Variants in ITFG1 observed in about 807,000 individuals in gnomAD.
The protein encoded by ITFG1 is integrin alpha FG-GAP repeat containing 1, also known as T-cell immunomodulatory protein.
ITFG1 carries 34 observed loss-of-function variants against 81.8 expected under a neutral mutation model. The ratio of observed to expected loss-of-function variants is 0.42; its 90% CI spans 0.32 to 0.55. The LOEUF is 0.55. Among genes scored for constraint, ITFG1 ranks in the 20% least tolerant of loss-of-function variants. ITFG1 has a pLI of 0.17. For missense variants in ITFG1, 672 were observed against 755.4 expected, an observed-to-expected ratio of 0.89 and a Z score of 1.29; for synonymous variants, 285 against 270.6, an observed-to-expected ratio of 1.05 and a Z score of -0.52.
intron 6 of ITFG1, among the ~76,000 whole-genome samples, chr16:47,408,606 C>A (rs551848140): frequency 6.6e-6 from 1 of 152,198 alleles, no homozygotes; most frequent in African/African-American, 2.4e-5. Context: ...ATAGTCAGAA[C>A]CATGATAACT....
At chr16:47,352,614 C>T (rs575363716) in intron 8 of ITFG1, among the ~76,000 whole-genome samples, 28 of 152,134 alleles carry the variant, frequency 1.8e-4, no homozygotes, top group East Asian at 9.7e-4. Context: ...TTGGTGGGAC[C>T]GTAAACTAGT....
At chr16:47,327,228 C>G (rs1435504669) in intron 8 of ITFG1, among the ~76,000 whole-genome samples, 7 of 152,182 alleles carry the variant, frequency 4.6e-5, no homozygotes, top group East Asian at 1.9e-4. Flanking sequence ...AAGGGGAAAG[C>G]ATTCCCTATT....
intron 8 of ITFG1, among the ~76,000 whole-genome samples, chr16:47,356,957 T>C (rs2151583873): frequency 1.3e-5 from 2 of 152,270 alleles, no homozygotes; most frequent in Middle Eastern, 6.8e-3. Flanking sequence ...TCACCATCTT[T>C]TGGTCCTTCC....
At chr16:47,236,215 C>T (rs1965871641) in intron 13 of ITFG1, among the ~76,000 whole-genome samples, 1 of 152,152 alleles carries the variant, frequency 6.6e-6, no homozygotes, top group Admixed American at 6.5e-5. Flanking sequence ...GTGGCTCATG[C>T]CTGTAATCCC....
chr16:47,418,196 G>A (rs1968897465), intron 6 of ITFG1, among the ~76,000 whole-genome samples: 1 of 152,064 alleles, frequency 6.6e-6, no homozygotes, highest in South Asian at 2.1e-4. Context: ...TGTCTACTCA[G>A]ATCCTTTGCC....
intron 6 of ITFG1, among the ~76,000 whole-genome samples, chr16:47,409,612 T>A (rs1968784033): frequency 6.8e-6 from 1 of 147,384 alleles, no homozygotes; most frequent in South Asian, 2.2e-4. Flanking sequence ...AGAGATGGAG[T>A]TTCACCATGT....
upstream of ITFG1, chr16:47,461,157 G>A (rs763907165): frequency 3.8e-5 from 43 of 1,123,222 alleles, no homozygotes; most frequent in Non-Finnish European, 5.1e-5. Context: ...CGTAAGAGCC[G>A]CTGCCGGCTC....
chr16:47,418,503 T>G (rs1368705925), intron 6 of ITFG1, among the ~76,000 whole-genome samples: 5 of 152,204 alleles, frequency 3.3e-5, no homozygotes, highest in Admixed American at 2.0e-4. Flanking sequence ...GTTTCCCTTA[T>G]GTTTTCTTCT....
At chr16:47,246,617 G>A (rs1966004993) in intron 12 of ITFG1, among the ~76,000 whole-genome samples, 1 of 152,162 alleles carries the variant, frequency 6.6e-6, no homozygotes. Flanking sequence ...ATACGGCTAT[G>A]CAGCAGGTGA....
At chr16:47,447,359 A>T (rs773204803) in intron 5 of ITFG1, among the ~76,000 whole-genome samples, 62 of 152,216 alleles carry the variant, frequency 4.1e-4, no homozygotes, top group Non-Finnish European at 8.2e-4. Flanking sequence ...ACAAATATAC[A>T]TCTAAAAATT....
chr16:47,300,372 C>T (rs1390515440), intron 10 of ITFG1, among the ~76,000 whole-genome samples: 1 of 152,180 alleles, frequency 6.6e-6, no homozygotes, highest in Non-Finnish European at 1.5e-5. Flanking sequence ...CCATCCCTAC[C>T]ACTTGGTCAC....
intron 6 of ITFG1, among the ~76,000 whole-genome samples, chr16:47,424,964 C>T (rs552979726): frequency 1.1e-4 from 16 of 152,304 alleles, no homozygotes; most frequent in Non-Finnish European, 1.9e-4. Context: ...CCACTGCTCT[C>T]TTCAGAGCTG....
chr16:47,440,418 T>C (rs1055605646), intron 5 of ITFG1, among the ~76,000 whole-genome samples: 15 of 152,182 alleles, frequency 9.9e-5, no homozygotes, highest in African/African-American at 2.7e-4. Flanking sequence ...TATTCCAAAA[T>C]TGACCACATA....
rs767806943 is a variant in ITFG1, at chr16:47,237,956, T to C, written c.1374+9A>G. ...TAGACATATTTATAACAGATATAAATTTACTTACTGTTATCTTACGAGGAC... is the reference window on the plus strand; with the variant it reads ...TAGACATATTTATAACAGATATAAACTTACTTACTGTTATCTTACGAGGAC... On this transcript the variant is annotated intron_variant, in intron 13 of 17. Transcript: ENST00000320640. 1.8e-5 allele frequency: 23 copies of C among 1,297,346 alleles called. No homozygotes were observed. The South Asian group carries it at 2.9e-4, about 16-fold the overall frequency. 80.4% of individuals were successfully genotyped at this position (1,297,346 alleles called of 1,614,324 possible). A position where few individuals can be genotyped will look rare whatever the true frequency, so the allele number is the denominator to read the frequency against.
intron 5 of ITFG1, among the ~76,000 whole-genome samples, chr16:47,437,738 G>C (rs1969186650): frequency 6.6e-6 from 1 of 152,212 alleles, no homozygotes; most frequent in South Asian, 2.1e-4. Context: ...GGCCAAATAG[G>C]AACGGCTCCA....
chr16:47,335,217 C>T (rs1198141632), intron 8 of ITFG1, among the ~76,000 whole-genome samples: 5 of 151,980 alleles, frequency 3.3e-5, no homozygotes, highest in South Asian at 2.1e-4. Context: ...ATCAGTCAGG[C>T]GTGGTGGTGG....
chr16:47,245,720 T>TA (rs1965993583), intron 12 of ITFG1, among the ~76,000 whole-genome samples: 1 of 152,218 alleles, frequency 6.6e-6, no homozygotes. Flanking sequence ...ACCATTTATT[T>TA]ATCTTCTGGT....
intron 5 of ITFG1, among the ~76,000 whole-genome samples, chr16:47,429,864 T>C (rs983747907): frequency 2.0e-5 from 3 of 152,116 alleles, no homozygotes; most frequent in African/African-American, 7.2e-5. Context: ...GTCTTACCTT[T>C]TTGCCCAGGC....
At position 47,444,603 on chromosome 16, in the gene ITFG1, A is replaced by C. The variant is rs547153239; in HGVS notation, c.560+6793T>G. Among the ~76,000 whole-genome samples the C allele has an allele frequency of 9.2e-5, 14 of 152,306 alleles. No individual in the cohort carries two copies. In the South Asian group the frequency reaches 2.9e-3, roughly 32 times the overall value. ...TTAACAGGATACAGAAAATAGTAAA[A>C]ATAAAATTTCATAAGATAAAATAAG... is the stretch of plus-strand genomic sequence containing the variant. On this transcript the variant is annotated intron_variant, in intron 5 of 17. Coordinates refer to ENST00000320640, the MANE Select transcript of ITFG1 (RefSeq NM_030790.5).
Sources: gnomAD v4.1 joint callset for allele counts (sites outside exome capture counted in the v4.1 genomes callset) on GRCh38, gnomAD v4.1.1 for gene constraint, MANE v1.5 for transcripts, NCBI Gene and HGNC (gene_info 2026-07-23, HGNC 2026-07-21) for gene names.